The following DNAH7 variants were observed in gnomAD, a reference collection of about 807,000 sequenced individuals.
DNAH7 encodes the protein axonemal beta dynein heavy chain 7.
DNAH7 carries 397 observed loss-of-function variants against 444.6 expected under a neutral mutation model. The ratio of observed to expected loss-of-function variants is 0.89; its 90% confidence interval spans 0.82 to 0.97. DNAH7 has a LOEUF of 0.97. Ranked by LOEUF, DNAH7 falls within the 50% of genes least tolerant of loss-of-function variation. DNAH7 has a pLI of 0.00. For missense variants in DNAH7, 4,902 were observed against 4,800.8 expected (o/e 1.02, Z -0.62); for synonymous variants, 1,636 against 1,624.4 (o/e 1.01, Z -0.17).
At chr2:195,811,612 G>A (rs762529845) in intron 51 of DNAH7, among the ~76,000 whole-genome samples, 17 of 152,094 alleles carry the variant, frequency 1.1e-4, no homozygotes, top group South Asian at 2.1e-4. Flanking sequence ...CAGCCTCCCC[G>A]AGTGCTGGGA....
intron 24 of DNAH7, 112 bp downstream of exon 24, chr2:195,921,973 AAAT>A: frequency 4.7e-6 from 3 of 642,270 alleles, no homozygotes; most frequent in Non-Finnish European, 8.0e-6. Flanking sequence ...GTCTAGGAAA[AAAT>A]AACACAGGCT....
chr2:195,931,376 T>C (rs1406022338), intron 21 of DNAH7, among the ~76,000 whole-genome samples: 1 of 152,014 alleles, frequency 6.6e-6, no homozygotes, highest in Non-Finnish European at 1.5e-5. Flanking sequence ...GTAGGTTGCC[T>C]GTTCACTCTG....
intron 19 of DNAH7, among the ~76,000 whole-genome samples, chr2:195,947,019 T>C (rs1205583871): frequency 6.6e-6 from 1 of 151,634 alleles, no homozygotes; most frequent in Non-Finnish European, 1.5e-5. Context: ...GTTGGTAGCA[T>C]GAATTATAAG....
intron 15 of DNAH7, among the ~76,000 whole-genome samples, chr2:195,982,554 C>T (rs1274165443): frequency 6.6e-6 from 1 of 152,142 alleles, no homozygotes; most frequent in African/African-American, 2.4e-5. Flanking sequence ...GCACTATTCA[C>T]AATACCCAAG....
intron 55 of DNAH7, among the ~76,000 whole-genome samples, chr2:195,797,999 C>T (rs1343894371): frequency 1.3e-5 from 2 of 152,166 alleles, no homozygotes; most frequent in Non-Finnish European, 2.9e-5. Context: ...ATACATAATT[C>T]AAAAATCTGG....
chr2:195,849,020 C>T (rs770535175), intron 46 of DNAH7, among the ~76,000 whole-genome samples: 2 of 152,060 alleles, frequency 1.3e-5, no homozygotes, highest in Non-Finnish European at 2.9e-5. Flanking sequence ...AAGCATTCTG[C>T]GGGGAGATAC....
chr2:195,794,146 T>C (rs749290760), intron 57 of DNAH7, among the ~76,000 whole-genome samples, 192 bp downstream of exon 57: 6 of 152,152 alleles, frequency 3.9e-5, no homozygotes, highest in Non-Finnish European at 7.4e-5. Flanking sequence ...ATGAGGCTGG[T>C]GCTAAAATTA....
Position 196,010,100 on chromosome 2 carries a change from T to A in DNAH7, c.989+2687A>T, listed in dbSNP as rs1248493222. 5.9e-5 allele frequency among the ~76,000 whole-genome samples: 9 copies of A among 151,902 alleles called. No homozygotes were observed. In the South Asian group the frequency reaches 8.3e-4, roughly 14 times the overall value. On this transcript the variant is annotated intron_variant, in intron 10 of 64. Transcript: ENST00000312428. ...TGTAGAGAAAGAACTCTTTCCTTCC[T>A]TCCTTCCTCCATCCATCTCTCCCTC...
At chr2:196,054,507 GA>G (rs1202401912) in intron 2 of DNAH7, among the ~76,000 whole-genome samples, 1 of 152,180 alleles carries the variant, frequency 6.6e-6, no homozygotes, top group African/African-American at 2.4e-5. Flanking sequence ...GGGCAACAGA[GA>G]GACACCTGTC....
intron 60 of DNAH7, among the ~76,000 whole-genome samples, chr2:195,774,599 C>CGCTT (rs1386910325): frequency 2.0e-5 from 3 of 152,146 alleles, no homozygotes; most frequent in Non-Finnish European, 2.9e-5. Context: ...GGAGCCAGAC[C>CGCTT]GCTTGGTTTT....
At chr2:195,882,973 A>G (rs1457923426) in intron 35 of DNAH7, among the ~76,000 whole-genome samples, 1 of 152,226 alleles carries the variant, frequency 6.6e-6, no homozygotes, top group Non-Finnish European at 1.5e-5. Flanking sequence ...ATCTTCAGGT[A>G]CAAGGCTGTG....
At chr2:195,889,058 C>A in intron 31 of DNAH7, 77 bp from the exon 32 acceptor site, 1 of 1,359,950 alleles carries the variant, frequency 7.4e-7, no homozygotes. Context: ...AATATTATTT[C>A]AAAATTTTAA....
intron 50 of DNAH7, 76 bp from the exon 51 acceptor site, chr2:195,817,039 A>G: frequency 9.0e-7 from 1 of 1,110,650 alleles, no homozygotes; most frequent in East Asian, 2.6e-5. Context: ...CTTTTATAAG[A>G]AACAAAGAAC....
intron 19 of DNAH7, among the ~76,000 whole-genome samples, chr2:195,940,134 T>C (rs531362236): frequency 3.9e-5 from 6 of 152,162 alleles, no homozygotes; most frequent in Non-Finnish European, 5.9e-5. Flanking sequence ...ACTACAAGGC[T>C]ACAGTAACCA....
At chr2:196,067,160 G>T (rs993532201) in intron 1 of DNAH7, among the ~76,000 whole-genome samples, 1 of 152,244 alleles carries the variant, frequency 6.6e-6, no homozygotes, top group African/African-American at 2.4e-5. Flanking sequence ...CGGCTGGTGG[G>T]TTTTTTGTGG....
intron 48 of DNAH7, among the ~76,000 whole-genome samples, chr2:195,826,453 T>C (rs1574502598): frequency 6.6e-6 from 1 of 152,336 alleles, no homozygotes; most frequent in Middle Eastern, 3.4e-3. Flanking sequence ...AATCAGCTAG[T>C]AAATGACAAA....
At position 195,737,864 on chromosome 2, in the gene DNAH7, G is replaced by T; in HGVS notation, c.*57C>A. The stretch of plus-strand genomic sequence containing the variant: ...AAAAAAGGTTTAAGTAGTAAAATAT[G>T]CTTTCTCTACTCAGCCAGCCAACAA... On this transcript the variant is annotated 3_prime_UTR_variant, in exon 65 of 65. Coordinates refer to ENST00000312428, the MANE Select transcript of DNAH7 (RefSeq NM_018897.3). The T allele has an allele frequency of 7.5e-7, 1 of 1,335,152 alleles. No homozygotes were observed. The allele number at this position is 1,335,152 out of a possible 1,614,324, so 82.7% of individuals were successfully genotyped here.
At chr2:195,935,897 A>G (rs1209251753) in intron 20 of DNAH7, among the ~76,000 whole-genome samples, 2 of 151,526 alleles carry the variant, frequency 1.3e-5, no homozygotes, top group Non-Finnish European at 3.0e-5. Context: ...TTACCGGGGA[A>G]TTGCAAAAAG....
intron 18 of DNAH7, 130 bp from the exon 19 acceptor site, chr2:195,957,577 ATCTTGT>A (rs1574880260): frequency 8.9e-6 from 4 of 450,358 alleles, no homozygotes; most frequent in East Asian, 6.9e-5. Context: ...ATTATATACA[ATCTTGT>A]ATATAATGTT....
Sources: allele counts gnomAD v4.1 joint callset (sites outside exome capture counted in the v4.1 genomes callset), GRCh38; gene constraint gnomAD v4.1.1; transcripts MANE v1.5; gene names NCBI Gene and HGNC (gene_info 2026-07-23, HGNC 2026-07-21).